The following TSHZ3 variants were observed in gnomAD, a reference collection of about 807,000 sequenced individuals.
TSHZ3 encodes the protein teashirt zinc finger homeobox 3.
In TSHZ3, 10 loss-of-function variants were observed where a neutral mutation model predicts 64.5. That is an observed-to-expected ratio of 0.16 (90% confidence interval 0.10 to 0.26). TSHZ3 has a LOEUF of 0.26. TSHZ3 is among the 10% of genes least tolerant of loss of function. The pLI is 1.00. For missense variants in TSHZ3, 1,242 were observed against 1,421.7 expected, an observed-to-expected ratio of 0.87 and a Z score of 2.03; for synonymous variants, 608 against 593.1, an observed-to-expected ratio of 1.03 and a Z score of -0.36.
chr19:31,265,699 C>T (rs1357071814), intron 1 of TSHZ3, among the ~76,000 whole-genome samples: 2 of 152,180 alleles, frequency 1.3e-5, no homozygotes, highest in East Asian at 3.9e-4. Context: ...GCCAGGCCTG[C>T]TGCTCTGGGC....
chr19:31,206,313 A>G (rs1975174164), intron 4 of TSHZ3, among the ~76,000 whole-genome samples: 1 of 151,972 alleles, frequency 6.6e-6, no homozygotes, highest in Non-Finnish European at 1.5e-5. Context: ...GGGTGGGTGG[A>G]TGGATGGATG....
chr19:31,183,246 C>T (rs561572537), intron 5 of TSHZ3, among the ~76,000 whole-genome samples: 6 of 147,780 alleles, frequency 4.1e-5, no homozygotes, highest in East Asian at 2.0e-4. Flanking sequence ...CTCTCTCCAT[C>T]CTTAGAGGAC....
chr19:31,336,432 T>A (rs1488773176), intron 1 of TSHZ3, among the ~76,000 whole-genome samples: 2 of 152,154 alleles, frequency 1.3e-5, no homozygotes, highest in Non-Finnish European at 2.9e-5. Context: ...CGAAGTAGGA[T>A]GGATGGATTC....
At chr19:31,349,038 C>A (rs1053489272) in intron 1 of TSHZ3, 142 bp downstream of exon 1, 2 of 1,075,260 alleles carry the variant, frequency 1.9e-6, no homozygotes, top group African/African-American at 1.7e-5. Context: ...CGGGCGCACG[C>A]ACCCAAACAG....
intron 1 of TSHZ3, among the ~76,000 whole-genome samples, chr19:31,343,193 C>T (rs1847425319): frequency 6.6e-6 from 1 of 152,214 alleles, no homozygotes; most frequent in East Asian, 1.9e-4. Flanking sequence ...AAAACACAGT[C>T]ATAATTAATA....
chr19:31,231,187 C>T (rs1975534865), intron 3 of TSHZ3, among the ~76,000 whole-genome samples: 1 of 152,126 alleles, frequency 6.6e-6, no homozygotes, highest in Non-Finnish European at 1.5e-5. Flanking sequence ...TCATTTAAAG[C>T]TCACAACAAT....
At chr19:31,154,963 A>G (rs990112041) in intron 6 of TSHZ3, among the ~76,000 whole-genome samples, 1 of 152,190 alleles carries the variant, frequency 6.6e-6, no homozygotes, top group Non-Finnish European at 1.5e-5. Flanking sequence ...CTTCACAGGT[A>G]AAGATGCCAG....
At chr19:31,308,382 A>C in intron 1 of TSHZ3, 1 of 346,590 alleles carries the variant, frequency 2.9e-6, no homozygotes, top group Non-Finnish European at 5.1e-6. Flanking sequence ...TCCTTAATCA[A>C]GTCATAATAA....
At chr19:31,281,183 G>C (rs1976355823) in intron 1 of TSHZ3, among the ~76,000 whole-genome samples, 1 of 152,164 alleles carries the variant, frequency 6.6e-6, no homozygotes, top group African/African-American at 2.4e-5. Context: ...GACTCCACCA[G>C]CTTTAAAGAT....
intron 5 of TSHZ3, among the ~76,000 whole-genome samples, chr19:31,197,727 T>TA (rs1236683238): frequency 6.6e-6 from 1 of 151,924 alleles, no homozygotes; most frequent in Non-Finnish European, 1.5e-5. Context: ...ATTTGAAAGA[T>TA]AAAATGTACT....
intron 1 of TSHZ3, among the ~76,000 whole-genome samples, chr19:31,292,206 G>C (rs866765374): frequency 4.6e-5 from 7 of 152,192 alleles, no homozygotes; most frequent in Non-Finnish European, 1.0e-4. Flanking sequence ...TCTCATCTTG[G>C]TGGAATAGGA....
At chr19:31,265,720 G>C (rs894067585) in intron 1 of TSHZ3, among the ~76,000 whole-genome samples, 2 of 152,182 alleles carry the variant, frequency 1.3e-5, no homozygotes, top group African/African-American at 4.8e-5. Flanking sequence ...CTGAAAACAG[G>C]TGGGAACACA....
intron 4 of TSHZ3, among the ~76,000 whole-genome samples, chr19:31,221,618 T>C (rs1223241578): frequency 6.6e-6 from 1 of 152,196 alleles, no homozygotes; most frequent in Admixed American, 6.5e-5. Context: ...AGTTCCTTCT[T>C]CACCTCCCCT....
At chr19:31,264,579 G>T (rs773064672) in intron 1 of TSHZ3, among the ~76,000 whole-genome samples, 1 of 152,174 alleles carries the variant, frequency 6.6e-6, no homozygotes, top group Admixed American at 6.5e-5. Flanking sequence ...TAAAATGGGC[G>T]GCTGCTGCCC....
At chr19:31,235,500 A>G (rs538437748) in intron 3 of TSHZ3, among the ~76,000 whole-genome samples, 1 of 152,120 alleles carries the variant, frequency 6.6e-6, no homozygotes, top group South Asian at 2.1e-4. Context: ...CTCCAGGTTC[A>G]TCCATGTTGT....
In TSHZ3 at chr19:31,294,763, T is replaced by C. The variant is rs141512534; in HGVS notation, c.41-15011A>G. Among the ~76,000 whole-genome samples the C allele has an allele frequency of 5.7e-4, 87 of 152,302 alleles. 1 individual carries two copies. In the East Asian group the frequency reaches 0.015, roughly 26 times the overall value. On this transcript the variant is annotated intron_variant, in intron 1 of 1. Transcript: ENST00000240587. Reference sequence around the variant, plus strand: ...TCTCACATTTTTATATTGACACTTATATAGTCTGAGTTGGGTGTTTCTTAT... The same window carrying C: ...TCTCACATTTTTATATTGACACTTACATAGTCTGAGTTGGGTGTTTCTTAT...
intron 1 of TSHZ3, among the ~76,000 whole-genome samples, chr19:31,268,793 G>T (rs1461434923): frequency 6.6e-6 from 1 of 152,158 alleles, no homozygotes; most frequent in Non-Finnish European, 1.5e-5. Flanking sequence ...AATCTTGGCT[G>T]GAAGGCTTGC....
chr19:31,151,756 A>G (rs1216870744), intron 6 of TSHZ3, among the ~76,000 whole-genome samples: 2 of 152,224 alleles, frequency 1.3e-5, no homozygotes, highest in Non-Finnish European at 2.9e-5. Context: ...TAGCACAACA[A>G]CAGAGAGGGA....
intron 1 of TSHZ3, among the ~76,000 whole-genome samples, chr19:31,288,835 C>T (rs1474070728): frequency 6.6e-6 from 1 of 152,198 alleles, no homozygotes; most frequent in Non-Finnish European, 1.5e-5. Flanking sequence ...GCCACGGAGC[C>T]AGGCAGGATC....
Sources: gnomAD v4.1 joint callset for allele counts (sites outside exome capture counted in the v4.1 genomes callset) on GRCh38, gnomAD v4.1.1 for gene constraint, MANE v1.5 for transcripts, NCBI Gene and HGNC (gene_info 2026-07-23, HGNC 2026-07-21) for gene names.